The following RADIL variants were observed in gnomAD, a reference collection of about 807,000 sequenced individuals.
RADIL encodes the protein ras-associating and dilute domain-containing protein.
In RADIL, 99 loss-of-function variants were observed where a neutral mutation model predicts 97.6. That is an observed-to-expected ratio of 1.01 (90% CI 0.86 to 1.20). The LOEUF is 1.20. Among genes scored for constraint, RADIL ranks in the 50% most tolerant of loss-of-function variants. The pLI is 0.00. For missense variants in RADIL, 1,765 were observed against 1,498.9 expected (o/e 1.18, Z -2.93); for synonymous variants, 803 against 691.8 (o/e 1.16, Z -2.52).
chr7:4,803,666 G>T lies in RADIL; in HGVS notation c.2379C>A (p.Asp793Glu). 6.4e-7 allele frequency: 1 copy of T among 1,553,452 alleles called. No homozygotes were observed. Among genetic ancestry groups the T allele is most frequent in the Admixed American group, 2.0e-5 (1 of 51,262 alleles). The change falls in exon 11 of 15, where the codon GAC becomes GAA. Residue 793 changes from aspartate (D) to glutamate (E), a missense_variant. Transcript: ENST00000399583. ...AGAGCAGGTGCTGGTAGATGCTGTCGTCCAGGCAGTTGGCTTCCAAGTCCA... is the reference window on the plus strand; with the variant it reads ...AGAGCAGGTGCTGGTAGATGCTGTCTTCCAGGCAGTTGGCTTCCAAGTCCA... ...FQVDLEANCL[D>E]DSIYQHLLYV... is the part of the protein sequence containing the mutation.
chr7:4,874,690 C>T (rs886992615), intron 2 of RADIL, among the ~76,000 whole-genome samples: 3 of 152,220 alleles, frequency 2.0e-5, no homozygotes, highest in East Asian at 1.9e-4. Context: ...AAAACCGCCA[C>T]GAGCTTAGAC....
At chr7:4,857,329 T>C (rs1259049725) in intron 2 of RADIL, among the ~76,000 whole-genome samples, 2 of 152,174 alleles carry the variant, frequency 1.3e-5, no homozygotes, top group Non-Finnish European at 2.9e-5. Context: ...TTTATTTTGG[T>C]TGTGTCTCTT....
chr7:4,799,853 C>T (rs1410439969), intron 13 of RADIL, 84 bp from the exon 14 acceptor site: 3 of 1,431,898 alleles, frequency 2.1e-6, no homozygotes, highest in Admixed American at 2.9e-5. Flanking sequence ...CCCTTGGCAC[C>T]TACAGGCCCC....
At chr7:4,844,199 C>T (rs1783514482) in intron 2 of RADIL, among the ~76,000 whole-genome samples, 1 of 152,152 alleles carries the variant, frequency 6.6e-6, no homozygotes, top group Non-Finnish European at 1.5e-5. Context: ...GTAATCCCAG[C>T]ACTTTGGAGG....
rs1343839197 is a variant in RADIL, at chr7:4,835,407, C to A, written c.784-168G>T. 6.6e-6 allele frequency among the ~76,000 whole-genome samples: 1 copy of A among 152,202 alleles called. No homozygotes were observed. Among genetic ancestry groups the A allele is most frequent in the East Asian group, 1.9e-4 (1 of 5,192 alleles). ...CAGAACCCCGACGGCTCTCAGGAAC[C>A]CGCCCCTCGATGTCCGGGCCCATCC... is the stretch of plus-strand genomic sequence containing the variant. On this transcript the variant is annotated intron_variant, in intron 3 of 14. Transcript: ENST00000399583. This position sits in a 1 kb window ranked among gnomAD's most constrained non-coding sequence, Gnocchi z 5.8.
chr7:4,809,677 T>A (rs912424371), intron 9 of RADIL: 4 of 926,884 alleles, frequency 4.3e-6, no homozygotes, highest in Non-Finnish European at 5.1e-6. Context: ...TTATTTATTT[T>A]ATTTTATTTA....
At position 4,815,060 on chromosome 7, in the gene RADIL, A is replaced by T. The variant is rs188020611; in HGVS notation, c.2139+218T>A. On this transcript the variant is annotated intron_variant, in intron 9 of 14. Transcript: ENST00000399583. The surrounding 1 kb of genome is among the most constrained non-coding windows in gnomAD (Gnocchi z 8.0). ...TGGGGTAATACGGTCACAGGGTAAG[A>T]CGGTCACGGGTCTCAGACATCTTTG... Among the ~76,000 whole-genome samples the T allele has an allele frequency of 6.6e-6, 1 of 152,234 alleles. No homozygotes were observed. The highest frequency in any genetic ancestry group is 1.9e-4 in the East Asian group (1 of 5,178).
chr7:4,800,066 G>C lies in RADIL; in HGVS notation c.2982+105C>G, dbSNP rs982078191. On this transcript the variant is annotated intron_variant, in intron 13 of 14. Coordinates refer to ENST00000399583, the MANE Select transcript of RADIL (RefSeq NM_018059.5). ...GCCAACCCCACTCTCCTCCCCGAAG[G>C]CCTTCCTGTAGCCACGTGGCCACGC... 2.1e-6 allele frequency: 3 copies of C among 1,448,056 alleles called. No homozygotes were observed. The African/African-American group carries it at 4.3e-5, about 21-fold the overall frequency. 89.7% of individuals were successfully genotyped at this position (1,448,056 alleles called of 1,614,324 possible).
At chr7:4,809,684 TTTAA>T in intron 9 of RADIL, 2 of 941,058 alleles carry the variant, frequency 2.1e-6, no homozygotes, top group Admixed American at 6.2e-5. Context: ...TTTTATTTTA[TTTAA>T]TTGATTTATT....
rs951108425 is a variant in RADIL, at chr7:4,840,978, AAAC to A, written c.536-4376_536-4374del. On this transcript the variant is annotated intron_variant, in intron 2 of 14. Coordinates refer to ENST00000399583, the MANE Select transcript of RADIL (RefSeq NM_018059.5). The surrounding 1 kb of genome is among the most constrained non-coding windows in gnomAD (Gnocchi z 5.6). ...CGAGACTCCGTCTCAAAACAAAACA[AAAC>A]AACAACAACGAAAAGAAACCACTAT... Among the ~76,000 whole-genome samples, 2 of 152,232 alleles carry A rather than the reference AAAC, an allele frequency of 1.3e-5. No homozygotes were observed. Among genetic ancestry groups the A allele is most frequent in the African/African-American group, 2.4e-5 (1 of 41,468 alleles).
Position 4,813,078 on chromosome 7 carries a change from C to T in RADIL, c.2139+2200G>A, listed in dbSNP as rs1268724139. Among the ~76,000 whole-genome samples the T allele has an allele frequency of 3.1e-5, 4 of 128,420 alleles. No individual in the cohort carries two copies. Among genetic ancestry groups the T allele is most frequent in the African/African-American group, 1.0e-4 (3 of 29,082 alleles). 84.2% of individuals were successfully genotyped at this position (128,420 alleles called of 152,430 possible). A position where few individuals can be genotyped will look rare whatever the true frequency, so the allele number is the denominator to read the frequency against. On this transcript the variant is annotated intron_variant, in intron 9 of 14. Transcript: ENST00000399583. This position sits in a 1 kb window ranked among gnomAD's most constrained non-coding sequence, Gnocchi z 5.0. ...TCCTTACCCCAAGGTTCTTCTTTCTCTCTCTCTCTCTCTCTCTCTCTCTTT... is the reference window on the plus strand; with the variant it reads ...TCCTTACCCCAAGGTTCTTCTTTCTTTCTCTCTCTCTCTCTCTCTCTCTTT...
Position 4,805,649 on chromosome 7 carries a change from G to A in RADIL, c.2207C>T (p.Thr736Ile). ...LSPAQLHRLL[T>I]HYQLASAMGP... ...CATGGCCGAGGCCAGCTGGTAGTGA[G>A]TCAGCAGCCGGTGCAGCTGTGCTGG... Residue 736 changes from threonine to isoleucine, a missense_variant, in exon 10 of 15, where the codon ACT becomes ATT. By Grantham distance (89) the Thr-to-Ile change is moderately conservative. Transcript: ENST00000399583. 2 of 1,611,826 alleles carry A rather than the reference G, an allele frequency of 1.2e-6. No individual in the cohort carries two copies. Among genetic ancestry groups the A allele is most frequent in the Non-Finnish European group, 8.5e-7 (1 of 1,179,882 alleles).
chr7:4,881,527 G>T (rs1390026053), intron 1 of RADIL, among the ~76,000 whole-genome samples: 3 of 151,464 alleles, frequency 2.0e-5, no homozygotes, highest in Non-Finnish European at 4.4e-5. Context: ...AGGAGTTCAA[G>T]ACCAGCCTGG....
Position 4,863,934 on chromosome 7 carries a change from C to G in RADIL, c.535+13671G>C, listed in dbSNP as rs187997045. On this transcript the variant is annotated intron_variant, in intron 2 of 14. Transcript: ENST00000399583. Reference sequence around the variant, plus strand: ...AGAATCAGCTACAATCCTGAGGTTTCAAGGTATCCCTTTTTCTTCCAGCCC... The same window carrying G: ...AGAATCAGCTACAATCCTGAGGTTTGAAGGTATCCCTTTTTCTTCCAGCCC... Among the ~76,000 whole-genome samples the G allele has an allele frequency of 1.3e-4, 20 of 152,324 alleles. No individual in the cohort carries two copies. The East Asian group carries it at 3.7e-3, about 28-fold the overall frequency.
intron 4 of RADIL, among the ~76,000 whole-genome samples, chr7:4,833,270 G>A (rs558072033): frequency 3.2e-4 from 48 of 152,316 alleles, no homozygotes; most frequent in African/African-American, 1.0e-3. Context: ...ATTAAACAGC[G>A]TTTGGTTTGC....
chr7:4,801,990 C>T lies in RADIL; in HGVS notation c.2505G>A (p.Met835Ile). Residue 835 changes from methionine to isoleucine, a missense_variant, in exon 12 of 15, where the codon ATG becomes ATA. Physicochemically the swap from Met to Ile is conservative, Grantham distance 10. Coordinates refer to ENST00000399583, the MANE Select transcript of RADIL (RefSeq NM_018059.5). ...GGTGCCCGTCAAGGACCACGTGGTG[C>T]ATACCCTAGGGAGAGGAAGGGTGAC... ...GASQPVCPEG[M>I]HHVVLDGHLE... 1.3e-6 allele frequency: 2 copies of T among 1,526,378 alleles called. No individual in the cohort carries two copies. Among genetic ancestry groups the T allele is most frequent in the Non-Finnish European group, 1.8e-6 (2 of 1,140,886 alleles). 94.6% of individuals were successfully genotyped at this position (1,526,378 alleles called of 1,614,324 possible).
intron 2 of RADIL, among the ~76,000 whole-genome samples, chr7:4,843,300 A>G (rs1783492604): frequency 6.6e-6 from 1 of 152,002 alleles, no homozygotes; most frequent in South Asian, 2.1e-4. Context: ...GGTGTGAGCC[A>G]CCGCGCCCGG....
At chr7:4,858,815 G>A (rs1254481438) in intron 2 of RADIL, 2 of 152,224 alleles carry the variant, frequency 1.3e-5, no homozygotes, top group East Asian at 1.9e-4. Context: ...TTCACATCAT[G>A]GTTTAGAGAA....
Position 4,803,711 on chromosome 7 carries a change from C to T in RADIL, c.2334G>A (p.Leu778=), listed in dbSNP as rs377238550. 7.0e-6 allele frequency: 11 copies of T among 1,567,958 alleles called. No individual in the cohort carries two copies. The African/African-American group carries it at 8.1e-5, about 12-fold the overall frequency. The part of the protein sequence containing the change: ...ESYENPPPIV[L]PSDGFQVDLE... ...AGTCCACCTGGAAGCCGTCGCTGGG[C>T]AGGACGATGGGTGGGGGGTTTTCGT... The change falls in exon 11 of 15, where the codon CTG becomes CTA. Residue 778 remains leucine, a synonymous_variant. Coordinates refer to ENST00000399583, the MANE Select transcript of RADIL (RefSeq NM_018059.5).
Sources: gnomAD v4.1 joint callset for allele counts (sites outside exome capture counted in the v4.1 genomes callset) on GRCh38, gnomAD v4.1.1 for gene constraint, Gnocchi (gnomAD v3.1) non-coding constraint, MANE v1.5 for transcripts, NCBI Gene and HGNC (gene_info 2026-07-23, HGNC 2026-07-21) for gene names.